Variants in FAM162A observed in about 807,000 individuals in gnomAD.
The protein encoded by FAM162A is protein FAM162A.
A neutral mutation model predicts 21.8 loss-of-function variants in FAM162A; 23 were observed. The ratio of observed to expected loss-of-function variants is 1.05; its 90% confidence interval spans 0.76 to 1.49. FAM162A has a LOEUF of 1.49. Ranked by LOEUF, FAM162A falls within the 40% of genes most tolerant of loss-of-function variation. The pLI, the probability that FAM162A is intolerant of heterozygous loss-of-function variation, is 0.00. For synonymous variants in FAM162A, 53 were observed against 61.3 expected, an observed-to-expected ratio of 0.86 and a Z score of 0.64; for missense variants, 165 against 186.4, an observed-to-expected ratio of 0.89 and a Z score of 0.67.
intron 1 of FAM162A, among the ~76,000 whole-genome samples, chr3:122,390,819 C>A (rs1220164104): frequency 6.6e-6 from 1 of 152,102 alleles, no homozygotes; most frequent in Non-Finnish European, 1.5e-5. Flanking sequence ...AGTTAAGAAC[C>A]TTTACTCTTA....
chr3:122,387,917 TA>T (rs2075582102), intron 1 of FAM162A, among the ~76,000 whole-genome samples: 1 of 151,856 alleles, frequency 6.6e-6, no homozygotes, highest in African/African-American at 2.4e-5. Flanking sequence ...TGAGCACATG[TA>T]GGGGCGGTAA....
rs756221443 is a variant in FAM162A at position 122,409,593 on chromosome 3, A to G, written c.373-146A>G. The G allele has an allele frequency of 1.6e-5, 11 of 684,200 alleles. 1 individual carries two copies. The highest frequency in any genetic ancestry group is 2.4e-5 in the Non-Finnish European group (9 of 379,500). The allele number at this position is 684,200 out of a possible 1,614,324, so 42.4% of individuals were successfully genotyped here. A position where few individuals can be genotyped will look rare whatever the true frequency, so the allele number is the denominator to read the frequency against. The stretch of plus-strand genomic sequence containing the variant: ...GAAGCGTACGAGGAAGTTGAAGCAC[A>G]TAGAGGAAACTGCCGTGCTCAGTGT... On this transcript the variant is annotated intron_variant, in intron 4 of 4. Coordinates refer to ENST00000477892, the MANE Select transcript of FAM162A (RefSeq NM_014367.4).
intron 3 of FAM162A, among the ~76,000 whole-genome samples, chr3:122,405,704 G>A (rs1402712185): frequency 2.0e-5 from 3 of 152,110 alleles, no homozygotes; most frequent in African/African-American, 7.2e-5. Context: ...GTCTTTTCTG[G>A]GCCTGGGCAG....
At chr3:122,396,833 A>G (rs181985500) in intron 1 of FAM162A, among the ~76,000 whole-genome samples, 37 of 152,342 alleles carry the variant, frequency 2.4e-4, no homozygotes, top group Non-Finnish European at 3.8e-4. Context: ...ACATGGATGA[A>G]CCTTGAAAAT....
chr3:122,392,580 T>C (rs1266195917), intron 1 of FAM162A, among the ~76,000 whole-genome samples: 1 of 152,206 alleles, frequency 6.6e-6, no homozygotes, highest in African/African-American at 2.4e-5. Context: ...ACCTAGGAAC[T>C]TGTTAGAAAT....
At chr3:122,403,404 ATAG>A (rs2075661510) in intron 2 of FAM162A, among the ~76,000 whole-genome samples, 3 of 152,212 alleles carry the variant, frequency 2.0e-5, no homozygotes, top group Admixed American at 2.0e-4. Flanking sequence ...ACCAAAGTAA[ATAG>A]TAGTCCAGAA....
intron 2 of FAM162A, among the ~76,000 whole-genome samples, chr3:122,403,395 C>G (rs537112368): frequency 6.6e-6 from 1 of 152,180 alleles, no homozygotes; most frequent in East Asian, 1.9e-4. Context: ...AATGGATGCA[C>G]CAAAGTAAAT....
chr3:122,409,803 A>T lies in FAM162A; in HGVS notation c.437A>T (p.Glu146Val). 6.2e-7 allele frequency: 1 copy of T among 1,614,118 alleles called. No homozygotes were observed. The change falls in exon 5 of 5, where the codon GAA (glutamate) becomes GTA (valine). Residue 146 changes from glutamate (E) to valine (V), a missense_variant. Physicochemically the swap from Glu to Val is moderately radical, Grantham distance 121. Transcript: ENST00000477892. The part of the protein sequence containing the change: ...NLEKKARLKE[E>V]AAMKAKTE The stretch of plus-strand genomic sequence containing the variant: ...GAAAAGAAAGCTCGTCTGAAAGAGG[A>T]AGCAGCTATGAAGGCCAAAACAGAG...
chr3:122,404,221 C>T (rs372433804), intron 2 of FAM162A, 37 bp from the exon 3 acceptor site: 23 of 1,057,984 alleles, frequency 2.2e-5, no homozygotes, highest in Non-Finnish European at 3.2e-5. Flanking sequence ...GTTATAATCT[C>T]AAACACATAA....
At chr3:122,400,560 C>T (rs2075648165) in intron 1 of FAM162A, among the ~76,000 whole-genome samples, 1 of 152,028 alleles carries the variant, frequency 6.6e-6, no homozygotes, top group Admixed American at 6.5e-5. Flanking sequence ...CATGGTGGCT[C>T]ACACCTGTAA....
chr3:122,386,488 G>A (rs1443048612), intron 1 of FAM162A, among the ~76,000 whole-genome samples: 1 of 151,552 alleles, frequency 6.6e-6, no homozygotes, highest in African/African-American at 2.4e-5. Context: ...AGAAGTTTGA[G>A]GCTGCATTGA....
At chr3:122,386,244 A>T (rs1266271820) in intron 1 of FAM162A, among the ~76,000 whole-genome samples, 2 of 152,224 alleles carry the variant, frequency 1.3e-5, no homozygotes, top group African/African-American at 2.4e-5. Flanking sequence ...AGCCAAAGGA[A>T]TGAAAGATCA....
rs369830457 is a variant in FAM162A, at chr3:122,388,824, C to G, written c.34+4525C>G. ...CAGCATTTTGGGAGGCCGAGGTGGG[C>G]GGATCACGAGGTCAGGAGATCGAGA... On this transcript the variant is annotated intron_variant, in intron 1 of 4. Transcript: ENST00000477892. Among the ~76,000 whole-genome samples, 302 of 152,216 alleles carry G rather than the reference C, an allele frequency of 2.0e-3. 2 individuals carry two copies. The highest frequency in any genetic ancestry group is 6.9e-3 in the African/African-American group (287 of 41,528).
Position 122,384,241 on chromosome 3 carries a change from C to T in FAM162A, c.-25C>T, listed in dbSNP as rs750369066. 6.4e-7 allele frequency: 1 copy of T among 1,565,102 alleles called. No homozygotes were observed. Among genetic ancestry groups the T allele is most frequent in the South Asian group, 1.2e-5 (1 of 84,906 alleles). ...CCACCGTCCCCGGCGAAGTTCTGCG[C>T]TGGTCGGCGGAGTAGCAAGTGGCCA... On this transcript the variant is annotated 5_prime_UTR_variant, in exon 1 of 5. Coordinates refer to ENST00000477892, the MANE Select transcript of FAM162A (RefSeq NM_014367.4).
intron 1 of FAM162A, among the ~76,000 whole-genome samples, chr3:122,388,877 G>A (rs1015936711): frequency 6.6e-6 from 1 of 152,094 alleles, no homozygotes; most frequent in Non-Finnish European, 1.5e-5. Context: ...GTGAAACCCT[G>A]TCTCTACTAA....
At chr3:122,386,556 TAAAA>T (rs1185441822) in intron 1 of FAM162A, among the ~76,000 whole-genome samples, 5 of 105,908 alleles carry the variant, frequency 4.7e-5, no homozygotes, top group Non-Finnish European at 5.7e-5. Context: ...AGACCCTGTC[TAAAA>T]AAAAAAAAAA....
intron 1 of FAM162A, among the ~76,000 whole-genome samples, chr3:122,386,375 CCT>C (rs2075574554): frequency 6.6e-6 from 1 of 151,710 alleles, no homozygotes; most frequent in Non-Finnish European, 1.5e-5. Context: ...TTAGCAAGAC[CCT>C]GTCTCTACAA....
chr3:122,387,124 A>G (rs1406576469), intron 1 of FAM162A, among the ~76,000 whole-genome samples: 2 of 152,206 alleles, frequency 1.3e-5, no homozygotes, highest in Non-Finnish European at 1.5e-5. Flanking sequence ...GGATGCTAGG[A>G]AATATCTTGG....
At chr3:122,386,292 C>A (rs561498467) in intron 1 of FAM162A, among the ~76,000 whole-genome samples, 1 of 152,232 alleles carries the variant, frequency 6.6e-6, no homozygotes, top group Non-Finnish European at 1.5e-5. Context: ...CTCACACCTG[C>A]TATCCCAGCA....
Sources: allele counts gnomAD v4.1 joint callset (sites outside exome capture counted in the v4.1 genomes callset), GRCh38; gene constraint gnomAD v4.1.1; transcripts MANE v1.5; gene names NCBI Gene and HGNC (gene_info 2026-07-23, HGNC 2026-07-21).